SNX29: variants seen among roughly 807,000 people sequenced by gnomAD.
The protein encoded by SNX29 is sorting nexin-29.
SNX29 carries 78 observed loss-of-function variants against 102.1 expected under a neutral mutation model. The observed-to-expected ratio is 0.76, with a 90% CI of 0.64 to 0.92. SNX29 has a LOEUF of 0.92. Among genes scored for constraint, SNX29 ranks in the 40% least tolerant of loss-of-function variants. The pLI, the probability that SNX29 is intolerant of heterozygous loss-of-function variation, is 0.00. For missense variants in SNX29, 1,280 were observed against 1,061.7 expected, an observed-to-expected ratio of 1.21 and a Z score of -2.86; for synonymous variants, 580 against 414.5, an observed-to-expected ratio of 1.40 and a Z score of -4.85.
chr16:12,056,978 C>T (rs375919939), intron 8 of SNX29, among the ~76,000 whole-genome samples: 7 of 151,902 alleles, frequency 4.6e-5, no homozygotes, highest in Non-Finnish European at 8.8e-5. Flanking sequence ...CATGCCACCA[C>T]GCCCAGCTAA....
chr16:12,552,814 C>G (rs138014198), intron 20 of SNX29, among the ~76,000 whole-genome samples: 9 of 152,222 alleles, frequency 5.9e-5, no homozygotes, highest in African/African-American at 2.2e-4. Context: ...AGAGAACAGC[C>G]AACAGTGTGA....
At chr16:12,544,814 C>A (rs951901787) in intron 20 of SNX29, among the ~76,000 whole-genome samples, 1 of 152,210 alleles carries the variant, frequency 6.6e-6, no homozygotes, top group Non-Finnish European at 1.5e-5. Flanking sequence ...AAACTCTTGA[C>A]CACTGCTTCA....
intron 13 of SNX29, among the ~76,000 whole-genome samples, chr16:12,152,502 T>C (rs2055342987): frequency 6.6e-6 from 1 of 152,198 alleles, no homozygotes; most frequent in South Asian, 2.1e-4. Flanking sequence ...CCCTGCCCTA[T>C]CTTAGCTCTG....
rs1489833062 is a variant in SNX29 at position 12,052,237 on chromosome 16, A to T, written c.1124+15A>T. Reference sequence around the variant, plus strand: ...TCGCCCGAGAAGTAAGTTTGTGTGTAAGGTGGAGTCTCACCGTCCCCCAGG... The same window carrying T: ...TCGCCCGAGAAGTAAGTTTGTGTGTTAGGTGGAGTCTCACCGTCCCCCAGG... On this transcript the variant is annotated intron_variant, in intron 8 of 20. Transcript: ENST00000566228. 1.9e-6 allele frequency: 3 copies of T among 1,613,470 alleles called. No individual in the cohort carries two copies. The South Asian group carries it at 3.3e-5, about 18-fold the overall frequency.
intron 18 of SNX29, among the ~76,000 whole-genome samples, chr16:12,452,238 C>T (rs1344817037): frequency 2.0e-5 from 3 of 152,182 alleles, no homozygotes; most frequent in Non-Finnish European, 4.4e-5. Flanking sequence ...TGTTTTGTCC[C>T]TACGGGGACA....
At chr16:12,026,771 G>A (rs1345053361) in intron 3 of SNX29, among the ~76,000 whole-genome samples, 1 of 151,996 alleles carries the variant, frequency 6.6e-6, no homozygotes, top group Admixed American at 6.5e-5. Flanking sequence ...AATCTCTTTA[G>A]AGCATGTAAT....
At chr16:12,165,013 C>T (rs897190491) in intron 13 of SNX29, among the ~76,000 whole-genome samples, 1 of 152,114 alleles carries the variant, frequency 6.6e-6, no homozygotes, top group African/African-American at 2.4e-5. Context: ...TGACTCACTT[C>T]TCCTGTGGCT....
chr16:12,374,739 G>T (rs2082811285), intron 16 of SNX29: 1 of 152,238 alleles, frequency 6.6e-6, no homozygotes, highest in Non-Finnish European at 1.5e-5. Flanking sequence ...GACGCCTTGA[G>T]GCCAAGGCTC....
chr16:12,291,386 C>G (rs543542971), intron 15 of SNX29, among the ~76,000 whole-genome samples: 3 of 152,302 alleles, frequency 2.0e-5, no homozygotes, highest in South Asian at 2.1e-4. Context: ...TCTCGTGAGA[C>G]TTGCTCACTG....
In SNX29 at chr16:12,043,948, T is replaced by A. The variant is rs1310879455; in HGVS notation, c.428+871T>A. Among the ~76,000 whole-genome samples the A allele has an allele frequency of 2.0e-5, 3 of 151,598 alleles. No individual in the cohort carries two copies. In the East Asian group the frequency reaches 5.8e-4, roughly 30 times the overall value. On this transcript the variant is annotated intron_variant, in intron 5 of 20. Coordinates refer to ENST00000566228, the MANE Select transcript of SNX29 (RefSeq NM_032167.5). Reference sequence around the variant, plus strand: ...TTTGTATTTTTAGTGGGTACGGGGTTTAATCATGTTGGCCAGGCTGGTCTT... The same window carrying A: ...TTTGTATTTTTAGTGGGTACGGGGTATAATCATGTTGGCCAGGCTGGTCTT...
chr16:12,432,354 G>T (rs1447553505), intron 18 of SNX29, among the ~76,000 whole-genome samples: 1 of 152,202 alleles, frequency 6.6e-6, no homozygotes. Flanking sequence ...CATTTTTGGG[G>T]TCCAGGCTGT....
intron 18 of SNX29, among the ~76,000 whole-genome samples, chr16:12,419,231 T>C (rs1327788920): frequency 3.3e-5 from 5 of 152,110 alleles, no homozygotes; most frequent in Non-Finnish European, 7.3e-5. Flanking sequence ...GGGCTGGTGG[T>C]AGGGGTTGAA....
intron 16 of SNX29, among the ~76,000 whole-genome samples, chr16:12,385,927 G>C (rs1023458381): frequency 2.0e-5 from 3 of 152,220 alleles, no homozygotes; most frequent in African/African-American, 7.2e-5. Context: ...CACAGTGGTG[G>C]GGGTGAGGAC....
chr16:12,556,341 G>A (rs2561041), intron 20 of SNX29: 1 of 152,054 alleles, frequency 6.6e-6, no homozygotes, highest in South Asian at 2.1e-4. Context: ...AGACCACTTG[G>A]ACTTCACTCA....
chr16:12,169,662 C>A (rs562207976), intron 13 of SNX29, among the ~76,000 whole-genome samples: 10 of 152,154 alleles, frequency 6.6e-5, no homozygotes, highest in Non-Finnish European at 1.3e-4. Context: ...TAGTTCGAGA[C>A]CAGCCTGGCC....
intron 16 of SNX29, chr16:12,376,169 G>A (rs8057111): frequency 0.87 from 133,105 of 152,316 alleles, 58,306 homozygotes; most frequent in Middle Eastern, 0.95. Context: ...ACCAGGAACC[G>A]GAGCCACGGG....
At chr16:11,986,552 C>A (rs140477445) in intron 1 of SNX29, among the ~76,000 whole-genome samples, 6 of 152,240 alleles carry the variant, frequency 3.9e-5, no homozygotes, top group Middle Eastern at 3.4e-3. Flanking sequence ...ATTGTATCTC[C>A]GTTTGAGCGT....
chr16:12,248,537 G>A (rs998010485), intron 14 of SNX29, among the ~76,000 whole-genome samples: 1 of 151,896 alleles, frequency 6.6e-6, no homozygotes, highest in Non-Finnish European at 1.5e-5. Flanking sequence ...TTACAGGCGT[G>A]CACCACCATG....
intron 15 of SNX29, among the ~76,000 whole-genome samples, chr16:12,337,503 G>A (rs946249049): frequency 5.3e-5 from 8 of 151,830 alleles, no homozygotes; most frequent in Non-Finnish European, 1.2e-4. Context: ...CATCATGCCC[G>A]GCTAACTTTT....
Sources: gnomAD v4.1 joint callset for allele counts (sites outside exome capture counted in the v4.1 genomes callset) on GRCh38, gnomAD v4.1.1 for gene constraint, MANE v1.5 for transcripts, NCBI Gene and HGNC (gene_info 2026-07-23, HGNC 2026-07-21) for gene names.